NLRP5: variants seen among roughly 807,000 people sequenced by gnomAD.
The protein encoded by NLRP5 is NLR family pyrin domain containing 5.
In NLRP5, 93 loss-of-function variants were observed where a neutral mutation model predicts 113.1. The ratio of observed to expected loss-of-function variants is 0.82; its 90% CI spans 0.70 to 0.98. The LOEUF (loss-of-function observed/expected upper bound fraction) is 0.98, where lower values mean the gene tolerates loss of function less well. Among genes scored for constraint, NLRP5 ranks in the 50% least tolerant of loss-of-function variants. The probability of loss-of-function intolerance (pLI) is 0.00; values close to 1 mark genes in which losing one functional copy is unlikely to be tolerated. For missense variants in NLRP5, 1,808 were observed against 1,514.3 expected, an observed-to-expected ratio of 1.19 and a Z score of -3.22; for synonymous variants, 751 against 600.7, an observed-to-expected ratio of 1.25 and a Z score of -3.66.
intron 11 of NLRP5, among the ~76,000 whole-genome samples, chr19:56,042,009 A>C (rs190316267): frequency 7.2e-5 from 11 of 152,144 alleles, no homozygotes; most frequent in African/African-American, 2.7e-4. Flanking sequence ...CAAACACGGC[A>C]CTAAATACCC....
chr19:55,995,244 G>T (rs1981288144), upstream of NLRP5, among the ~76,000 whole-genome samples: 1 of 152,078 alleles, frequency 6.6e-6, no homozygotes, highest in South Asian at 2.1e-4. Flanking sequence ...AGCATTAGGA[G>T]AAATACCTAA....
chr19:56,027,347 A>G lies in NLRP5; in HGVS notation c.1114A>G (p.Asn372Asp). ...TTTCGATGACCTGGGCTCTGTCCTC[A>G]ACAATGACACAAAGCTCTGCAAAGA... The change falls in exon 7 of 15, where the codon AAC (asparagine) becomes GAC (aspartate). Residue 372 changes from asparagine to aspartate, a missense_variant. By Grantham distance (23) the Asn-to-Asp change is conservative (BLOSUM62 1). Coordinates refer to ENST00000390649, the MANE Select transcript of NLRP5 (RefSeq NM_153447.4). The G allele has an allele frequency of 6.2e-7, 1 of 1,613,242 alleles. No homozygotes were observed. The highest frequency in any genetic ancestry group is 1.1e-5 in the South Asian group (1 of 91,028).
At position 56,027,000 on chromosome 19, in the gene NLRP5, C is replaced by T. The variant is rs761333510; in HGVS notation, c.767C>T (p.Thr256Ile). 1.5e-5 allele frequency: 24 copies of T among 1,551,680 alleles called. No individual in the cohort carries two copies. Among genetic ancestry groups the T allele is most frequent in the South Asian group, 4.8e-5 (4 of 84,066 alleles). Reference sequence around the variant, plus strand: ...GATGTACGTCGTAGTTTTGAAAACACTGCTGCTGACTGGCCGGAAATGCAA... The same window carrying T: ...GATGTACGTCGTAGTTTTGAAAACATTGCTGCTGACTGGCCGGAAATGCAA... Residue 256 changes from threonine to isoleucine, a missense_variant, in exon 7 of 15, where the codon ACT (threonine) becomes ATT (isoleucine). Physicochemically the swap from Thr to Ile is moderately conservative, Grantham distance 89 (BLOSUM62 -1). Coordinates refer to ENST00000390649, the MANE Select transcript of NLRP5 (RefSeq NM_153447.4).
intron 6 of NLRP5, among the ~76,000 whole-genome samples, chr19:56,026,097 G>T (rs1240929146): frequency 6.6e-6 from 1 of 152,078 alleles, no homozygotes; most frequent in African/African-American, 2.4e-5. Flanking sequence ...AGCTTTTGAG[G>T]CCTTTAAAGT....
chr19:56,016,465 TTTAAAATCCTC>T (rs1982407027), intron 4 of NLRP5, among the ~76,000 whole-genome samples: 1 of 152,192 alleles, frequency 6.6e-6, no homozygotes, highest in South Asian at 2.1e-4. Context: ...GCTGAGAACA[TTTAAAATCCTC>T]TTTTAGCTAT....
intron 2 of NLRP5, among the ~76,000 whole-genome samples, chr19:56,005,409 A>T (rs1464620033): frequency 6.8e-6 from 1 of 146,116 alleles, no homozygotes; most frequent in East Asian, 1.9e-4. Flanking sequence ...ACATATACAC[A>T]TATATTTTTA....
intron 13 of NLRP5, among the ~76,000 whole-genome samples, chr19:56,057,319 C>T (rs1984193258): frequency 2.0e-5 from 3 of 152,148 alleles, no homozygotes. Context: ...TAGAACACGC[C>T]TATAAAATGC....
At chr19:55,990,791 T>C in the NLRP5 span, among the ~76,000 whole-genome samples, 3 of 152,030 alleles carry the variant, frequency 2.0e-5, no homozygotes, top group African/African-American at 4.8e-5. Flanking sequence ...TGCCACTGCA[T>C]TCCAGCCTGG....
chr19:55,996,240 T>C (rs1981320158), upstream of NLRP5, among the ~76,000 whole-genome samples: 1 of 152,224 alleles, frequency 6.6e-6, no homozygotes, highest in African/African-American at 2.4e-5. Flanking sequence ...CTTTCTTCTT[T>C]TCCACATTCA....
At chr19:56,006,313 A>G (rs1455723802) in intron 2 of NLRP5, among the ~76,000 whole-genome samples, 4 of 152,156 alleles carry the variant, frequency 2.6e-5, no homozygotes, top group East Asian at 1.9e-4. Context: ...ATTAGGAGAT[A>G]TACCTAATGT....
chr19:56,022,330 C>T (rs1982646333), intron 6 of NLRP5, among the ~76,000 whole-genome samples: 2 of 152,308 alleles, frequency 1.3e-5, no homozygotes, highest in Non-Finnish European at 2.9e-5. Flanking sequence ...AGCAATCCTC[C>T]TGCCTCAGCC....
intron 3 of NLRP5, among the ~76,000 whole-genome samples, chr19:56,010,929 A>G (rs1339643469): frequency 6.6e-6 from 1 of 151,920 alleles, no homozygotes; most frequent in Non-Finnish European, 1.5e-5. Context: ...AGGCAGGCAG[A>G]TTGCTCGAAC....
rs566487461 is a variant in NLRP5 at position 56,036,359 on chromosome 19, G to A, written c.2616-1666G>A. Among the ~76,000 whole-genome samples, 16 of 150,514 alleles carry A rather than the reference G, an allele frequency of 1.1e-4. No homozygotes were observed. The South Asian group carries it at 2.3e-3, about 22-fold the overall frequency. On this transcript the variant is annotated intron_variant, in intron 9 of 14. Transcript: ENST00000390649. Reference sequence around the variant, plus strand: ...TGGGATTACAGGCTTGAGCCACTGCGCCTGGCTGAGATTCTTTCATTCAAT... The same window carrying A: ...TGGGATTACAGGCTTGAGCCACTGCACCTGGCTGAGATTCTTTCATTCAAT...
intron 2 of NLRP5, among the ~76,000 whole-genome samples, chr19:56,005,107 A>T (rs12974621): frequency 0.22 from 21,090 of 95,216 alleles, 1,919 homozygotes; most frequent in Non-Finnish European, 0.23. Flanking sequence ...AAAAAAAAAA[A>T]ATATATATAT....
upstream of NLRP5, among the ~76,000 whole-genome samples, chr19:55,998,318 C>G (rs1016672227): frequency 3.9e-5 from 6 of 152,024 alleles, no homozygotes; most frequent in Non-Finnish European, 8.8e-5. Flanking sequence ...ATGATAGTCA[C>G]CACACTCCAG....
At chr19:55,994,545 G>A in the NLRP5 span, among the ~76,000 whole-genome samples, 7,638 of 152,102 alleles carry the variant, frequency 0.05, 263 homozygotes, top group South Asian at 0.11. Flanking sequence ...TTTCAGGCAC[G>A]TGCCACCACA....
At chr19:56,010,742 C>CCAAAAAA (rs1555764914) in intron 3 of NLRP5, among the ~76,000 whole-genome samples, 3 of 41,274 alleles carry the variant, frequency 7.3e-5, no homozygotes, top group African/African-American at 3.1e-4. Flanking sequence ...AACTCTGTCT[C>CCAAAAAA]AAAAAAAAAA....
intron 10 of NLRP5, among the ~76,000 whole-genome samples, chr19:56,039,256 C>T (rs1373184163): frequency 6.6e-6 from 1 of 152,152 alleles, no homozygotes; most frequent in Non-Finnish European, 1.5e-5. Context: ...AGCTGAGCCA[C>T]CCAGCGTGGC....
At chr19:56,049,753 T>A (rs968286576) in intron 11 of NLRP5, among the ~76,000 whole-genome samples, 3 of 152,194 alleles carry the variant, frequency 2.0e-5, no homozygotes, top group Non-Finnish European at 4.4e-5. Flanking sequence ...TTTGCTTGTA[T>A]CATATTTTGG....
Sources: gnomAD v4.1 joint callset for allele counts (sites outside exome capture counted in the v4.1 genomes callset) on GRCh38, gnomAD v4.1.1 for gene constraint, MANE v1.5 for transcripts, NCBI Gene and HGNC (gene_info 2026-07-23, HGNC 2026-07-21) for gene names.